The following CDH13 variants were observed in gnomAD, a reference collection of about 807,000 sequenced individuals.
CDH13 encodes the protein cadherin 13.
Under a neutral mutation model 63.8 loss-of-function variants are expected in CDH13, and 24 were observed. The observed-to-expected ratio is 0.38, with a 90% CI of 0.27 to 0.53. The LOEUF (loss-of-function observed/expected upper bound fraction) is 0.53. CDH13 is among the 20% of genes least tolerant of loss of function. CDH13 has a pLI of 0.85. For missense variants in CDH13, 1,049 were observed against 903.1 expected (o/e 1.16, Z -2.07); for synonymous variants, 503 against 355.3 (o/e 1.42, Z -4.67).
chr16:82,802,134 C>T (rs530591118), intron 1 of CDH13, among the ~76,000 whole-genome samples: 43 of 152,086 alleles, frequency 2.8e-4, no homozygotes, highest in Non-Finnish European at 5.9e-4. Flanking sequence ...TTGGAGCCTG[C>T]TTCTAAGGGG....
chr16:83,714,846 G>T (rs1408118492), intron 10 of CDH13, among the ~76,000 whole-genome samples: 3 of 152,112 alleles, frequency 2.0e-5, no homozygotes, highest in African/African-American at 7.2e-5. Flanking sequence ...ATGAGAATGG[G>T]TCTTTATCTT....
At chr16:82,813,749 C>T (rs1467037554) in intron 1 of CDH13, among the ~76,000 whole-genome samples, 1 of 152,130 alleles carries the variant, frequency 6.6e-6, no homozygotes, top group African/African-American at 2.4e-5. Flanking sequence ...TTTGAGTTTA[C>T]AACTGCCTGA....
chr16:83,778,801 A>C (rs1915301283), intron 11 of CDH13, among the ~76,000 whole-genome samples: 5 of 152,114 alleles, frequency 3.3e-5, no homozygotes, highest in African/African-American at 1.2e-4. Flanking sequence ...ACCATCAGCC[A>C]TCTGAGACTC....
At position 83,461,411 on chromosome 16, in the gene CDH13, G is replaced by C. The variant is rs151069624; in HGVS notation, c.782-25066G>C. On this transcript the variant is annotated intron_variant, in intron 6 of 13. Coordinates refer to ENST00000567109, the MANE Select transcript of CDH13 (RefSeq NM_001257.5). ...GATGATTGAATCAGGTTTTCTGAAA[G>C]GCATGGACAAGCTCCAGCCATGAAC... Among the ~76,000 whole-genome samples the C allele has an allele frequency of 1.2e-3, 176 of 152,250 alleles. 1 individual carries two copies. The highest frequency in any genetic ancestry group is 4.1e-3 in the African/African-American group (171 of 41,536).
intron 7 of CDH13, among the ~76,000 whole-genome samples, chr16:83,575,493 T>C (rs1905024788): frequency 6.6e-6 from 1 of 152,132 alleles, no homozygotes; most frequent in Non-Finnish European, 1.5e-5. Flanking sequence ...ATCTGACCCA[T>C]CTCCATCCAG....
At chr16:83,479,774 C>A (rs1228243749) in intron 6 of CDH13, among the ~76,000 whole-genome samples, 1 of 152,258 alleles carries the variant, frequency 6.6e-6, no homozygotes, top group East Asian at 1.9e-4. Context: ...GAAAGTTGGT[C>A]ATTAGGAGAG....
At chr16:83,298,140 G>T (rs1272091394) in intron 5 of CDH13, among the ~76,000 whole-genome samples, 1 of 152,010 alleles carries the variant, frequency 6.6e-6, no homozygotes, top group Non-Finnish European at 1.5e-5. Flanking sequence ...CTACTCAGGA[G>T]GCTGAGGCGG....
chr16:83,350,733 A>G (rs1332759632), intron 6 of CDH13, among the ~76,000 whole-genome samples: 1 of 152,166 alleles, frequency 6.6e-6, no homozygotes, highest in Admixed American at 6.5e-5. Flanking sequence ...AAGTGCTACA[A>G]CATAGTTGTA....
At chr16:83,763,071 C>G (rs1486618057) in intron 11 of CDH13, among the ~76,000 whole-genome samples, 3 of 152,182 alleles carry the variant, frequency 2.0e-5, no homozygotes, top group Admixed American at 1.3e-4. Flanking sequence ...TATTCCCCAT[C>G]TATTTCCATT....
At chr16:83,495,262 G>A (rs576688836) in intron 7 of CDH13, among the ~76,000 whole-genome samples, 49 of 152,248 alleles carry the variant, frequency 3.2e-4, no homozygotes, top group African/African-American at 1.1e-3. Flanking sequence ...ACAATGGTTC[G>A]GTCTGGAAAG....
chr16:82,635,108 C>G (rs1908492824), intron 1 of CDH13, among the ~76,000 whole-genome samples: 1 of 152,230 alleles, frequency 6.6e-6, no homozygotes, highest in African/African-American at 2.4e-5. Context: ...TGTTCTTTGT[C>G]TTTCTCCTCC....
At chr16:82,963,379 C>CAAAGA (rs751323336) in intron 2 of CDH13, among the ~76,000 whole-genome samples, 2 of 152,080 alleles carry the variant, frequency 1.3e-5, no homozygotes, top group South Asian at 4.2e-4. Flanking sequence ...AACTCTGTCT[C>CAAAGA]AAAGAAAAGA....
intron 5 of CDH13, among the ~76,000 whole-genome samples, chr16:83,275,752 C>T (rs1395988145): frequency 6.6e-6 from 1 of 152,060 alleles, no homozygotes; most frequent in African/African-American, 2.4e-5. Flanking sequence ...TGTCTGTCGC[C>T]CACTTTATGG....
At chr16:83,298,143 T>C (rs1401304041) in intron 5 of CDH13, among the ~76,000 whole-genome samples, 1 of 151,412 alleles carries the variant, frequency 6.6e-6, no homozygotes, top group Non-Finnish European at 1.5e-5. Context: ...CTCAGGAGGC[T>C]GAGGCGGGAG....
intron 4 of CDH13, among the ~76,000 whole-genome samples, chr16:83,164,353 C>T (rs1051479147): frequency 6.6e-6 from 1 of 151,950 alleles, no homozygotes; most frequent in African/African-American, 2.4e-5. Context: ...TACCACACAC[C>T]ACACACCACA....
intron 13 of CDH13, among the ~76,000 whole-genome samples, chr16:83,788,700 G>C (rs1645850): frequency 0.65 from 99,575 of 152,030 alleles, 33,053 homozygotes; most frequent in South Asian, 0.76. Flanking sequence ...ATTGATAAAA[G>C]ACAGGCACAG....
intron 1 of CDH13, among the ~76,000 whole-genome samples, chr16:82,795,074 C>G (rs1485268249): frequency 6.6e-6 from 1 of 152,194 alleles, no homozygotes; most frequent in African/African-American, 2.4e-5. Context: ...GTTTGCTTCC[C>G]ATACTCATCT....
intron 2 of CDH13, among the ~76,000 whole-genome samples, chr16:82,902,456 C>T (rs1478554151): frequency 6.6e-6 from 1 of 151,688 alleles, no homozygotes; most frequent in Non-Finnish European, 1.5e-5. Flanking sequence ...CTTTGACAAG[C>T]AATTAAGAAG....
intron 1 of CDH13, among the ~76,000 whole-genome samples, chr16:82,704,220 G>A (rs1461388395): frequency 6.6e-6 from 1 of 152,128 alleles, no homozygotes; most frequent in Non-Finnish European, 1.5e-5. Context: ...CAGGCTCTAG[G>A]GGCACACTGC....
Sources: allele counts gnomAD v4.1 joint callset (sites outside exome capture counted in the v4.1 genomes callset), GRCh38; gene constraint gnomAD v4.1.1; transcripts MANE v1.5; gene names NCBI Gene and HGNC (gene_info 2026-07-23, HGNC 2026-07-21).